PDGFD: variants seen among roughly 807,000 people sequenced by gnomAD.
PDGFD encodes platelet-derived growth factor D.
PDGFD carries 30 observed loss-of-function variants against 44.7 expected under a neutral mutation model. That is an observed-to-expected ratio of 0.67 (90% CI 0.50 to 0.91). The LOEUF (loss-of-function observed/expected upper bound fraction) is 0.91, where lower values mean the gene tolerates loss of function less well. Ranked by LOEUF, PDGFD falls within the 40% of genes least tolerant of loss-of-function variation. The pLI, the probability that PDGFD is intolerant of heterozygous loss-of-function variation, is 0.00. For synonymous variants in PDGFD, 173 were observed against 168.4 expected (o/e 1.03, Z -0.21); for missense variants, 445 against 457.8 (o/e 0.97, Z 0.25).
At chr11:104,032,019 T>A (rs368313599) in intron 1 of PDGFD, among the ~76,000 whole-genome samples, 7 of 151,916 alleles carry the variant, frequency 4.6e-5, no homozygotes, top group African/African-American at 1.7e-4. Flanking sequence ...GGGGAGAGCA[T>A]GAGGAAAAAT....
At chr11:104,154,471 A>G (rs1862280967) in intron 1 of PDGFD, among the ~76,000 whole-genome samples, 3 of 152,164 alleles carry the variant, frequency 2.0e-5, no homozygotes, top group South Asian at 4.1e-4. Flanking sequence ...AATCACAGTG[A>G]CTTCACCCAG....
intron 1 of PDGFD, among the ~76,000 whole-genome samples, chr11:104,158,548 G>A (rs1300043315): frequency 2.0e-5 from 3 of 152,198 alleles, no homozygotes; most frequent in Non-Finnish European, 4.4e-5. Context: ...AATAATCACC[G>A]AAGGCCGGGC....
At chr11:103,938,613 A>G (rs1858531783) in intron 5 of PDGFD, among the ~76,000 whole-genome samples, 1 of 152,106 alleles carries the variant, frequency 6.6e-6, no homozygotes, top group Non-Finnish European at 1.5e-5. Context: ...GGTGTTTTAG[A>G]CATGAAGTCC....
chr11:103,969,486 T>TTTG (rs1859072084), intron 3 of PDGFD, among the ~76,000 whole-genome samples: 3 of 148,484 alleles, frequency 2.0e-5, no homozygotes, highest in South Asian at 2.2e-4. Flanking sequence ...TTTTTTTTTT[T>TTTG]TTTTTTTTTT....
chr11:103,988,425 T>G (rs11226105), intron 3 of PDGFD, among the ~76,000 whole-genome samples: 1 of 152,016 alleles, frequency 6.6e-6, no homozygotes, highest in African/African-American at 2.4e-5. Flanking sequence ...GGGAGTCATC[T>G]GCTCATATGA....
intron 5 of PDGFD, among the ~76,000 whole-genome samples, chr11:103,940,215 T>C (rs746714625): frequency 9.2e-5 from 14 of 152,078 alleles, no homozygotes; most frequent in Non-Finnish European, 1.6e-4. Flanking sequence ...ATATGAACCT[T>C]CATATTTTAA....
chr11:104,009,539 A>C (rs1036282903), intron 1 of PDGFD, among the ~76,000 whole-genome samples: 9 of 152,052 alleles, frequency 5.9e-5, no homozygotes, highest in African/African-American at 2.2e-4. Context: ...GATGCAAAAC[A>C]GTACCTTAAT....
At chr11:103,968,875 C>T (rs1859058719) in intron 3 of PDGFD, among the ~76,000 whole-genome samples, 1 of 152,132 alleles carries the variant, frequency 6.6e-6, no homozygotes, top group Admixed American at 6.6e-5. Context: ...TCATTTCCAG[C>T]CAGTGGCTCA....
chr11:103,954,518 A>G (rs1858808160), intron 3 of PDGFD, among the ~76,000 whole-genome samples: 1 of 152,246 alleles, frequency 6.6e-6, no homozygotes. Flanking sequence ...ATTCATGGCT[A>G]GAGGGATGTG....
At chr11:104,139,300 T>C (rs1285882482) in intron 1 of PDGFD, among the ~76,000 whole-genome samples, 1 of 152,166 alleles carries the variant, frequency 6.6e-6, no homozygotes, top group African/African-American at 2.4e-5. Context: ...CTCAGCATCC[T>C]GAGAGCTTCC....
At chr11:103,923,635 AG>A (rs1396291540) in intron 6 of PDGFD, among the ~76,000 whole-genome samples, 1 of 152,194 alleles carries the variant, frequency 6.6e-6, no homozygotes, top group African/African-American at 2.4e-5. Context: ...TTCCCTAATG[AG>A]ACTAGGCTCA....
At chr11:104,113,260 T>C (rs1042224895) in intron 1 of PDGFD, among the ~76,000 whole-genome samples, 2 of 152,108 alleles carry the variant, frequency 1.3e-5, no homozygotes, top group Admixed American at 6.6e-5. Flanking sequence ...CTAGACAGTA[T>C]AGTGGGCACT....
At chr11:104,092,455 T>A (rs1025411637) in intron 1 of PDGFD, among the ~76,000 whole-genome samples, 8 of 152,142 alleles carry the variant, frequency 5.3e-5, no homozygotes, top group Non-Finnish European at 1.2e-4. Context: ...CTCAAATCTC[T>A]ACATACAACA....
intron 1 of PDGFD, among the ~76,000 whole-genome samples, chr11:104,088,995 A>G (rs757393510): frequency 2.0e-5 from 3 of 152,216 alleles, no homozygotes; most frequent in Non-Finnish European, 4.4e-5. Context: ...TTCACCTTTA[A>G]GGACTTCCAA....
At chr11:104,034,309 C>T (rs1260791225) in intron 1 of PDGFD, among the ~76,000 whole-genome samples, 1 of 144,550 alleles carries the variant, frequency 6.9e-6, no homozygotes, top group Non-Finnish European at 1.6e-5. Flanking sequence ...TTCCCTAGAA[C>T]TTAGCACATG....
intron 1 of PDGFD, among the ~76,000 whole-genome samples, chr11:104,014,069 A>C (rs722355): frequency 0.3 from 44,886 of 152,046 alleles, 8,107 homozygotes; most frequent in Admixed American, 0.48. Flanking sequence ...AAATAGAAAA[A>C]ATGGAAATGA....
intron 1 of PDGFD, among the ~76,000 whole-genome samples, chr11:104,076,982 T>C (rs1055805927): frequency 3.3e-5 from 5 of 152,236 alleles, no homozygotes; most frequent in Non-Finnish European, 5.9e-5. Context: ...ATACAATACA[T>C]ATAACATACA....
At chr11:104,077,030 G>T (rs1565328008) in intron 1 of PDGFD, among the ~76,000 whole-genome samples, 1 of 152,122 alleles carries the variant, frequency 6.6e-6, no homozygotes, top group East Asian at 1.9e-4. Context: ...TATCAGTAAG[G>T]ATTCCAGTCA....
At chr11:104,004,052 T>C (rs1859661556) in intron 1 of PDGFD, among the ~76,000 whole-genome samples, 1 of 152,216 alleles carries the variant, frequency 6.6e-6, no homozygotes, top group African/African-American at 2.4e-5. Context: ...AATGATATCC[T>C]TTCAAAGTAC....
Sources: allele counts gnomAD v4.1 joint callset (sites outside exome capture counted in the v4.1 genomes callset), GRCh38; gene constraint gnomAD v4.1.1; transcripts MANE v1.5; gene names NCBI Gene and HGNC (gene_info 2026-07-23, HGNC 2026-07-21).